Variants in GRTP1 observed in about 807,000 individuals in gnomAD.
GRTP1 encodes the protein growth hormone-regulated TBC protein 1.
A neutral mutation model predicts 38.1 loss-of-function variants in GRTP1; 56 were observed. That is an observed-to-expected ratio of 1.47 (90% CI 1.19 to 1.84). The LOEUF is 1.84. Ranked by LOEUF, GRTP1 falls within the 40% of genes most tolerant of loss-of-function variation. The probability of loss-of-function intolerance (pLI) is 0.00; values close to 1 mark genes in which losing one functional copy is unlikely to be tolerated. For missense variants in GRTP1, 506 were observed against 453.9 expected, an observed-to-expected ratio of 1.11 and a Z score of -1.04; for synonymous variants, 217 against 189.5, an observed-to-expected ratio of 1.14 and a Z score of -1.19.
chr13:113,332,097 A>G (rs2042879217), intron 5 of GRTP1, among the ~76,000 whole-genome samples: 1 of 151,974 alleles, frequency 6.6e-6, no homozygotes, highest in African/African-American at 2.4e-5. Context: ...AATAAAAAAT[A>G]AATTTTAAAA....
chr13:113,352,766 C>T (rs2043309532), intron 3 of GRTP1, among the ~76,000 whole-genome samples: 1 of 152,236 alleles, frequency 6.6e-6, no homozygotes, highest in African/African-American at 2.4e-5. Context: ...TCTGTCTGCA[C>T]TGCGTGGCCT....
At chr13:113,354,307 G>A (rs535616313) in intron 3 of GRTP1, among the ~76,000 whole-genome samples, 1 of 152,158 alleles carries the variant, frequency 6.6e-6, no homozygotes, top group South Asian at 2.1e-4. Flanking sequence ...AGCCTTGGGA[G>A]CCCCCTCCCC....
At chr13:113,357,243 G>A (rs1030664359) in intron 2 of GRTP1, among the ~76,000 whole-genome samples, 3 of 152,090 alleles carry the variant, frequency 2.0e-5, no homozygotes, top group Admixed American at 2.0e-4. Flanking sequence ...TCCAGAGATC[G>A]AGACCAGCCT....
intron 5 of GRTP1, among the ~76,000 whole-genome samples, chr13:113,335,031 C>T (rs1566419676): frequency 1.3e-5 from 2 of 151,850 alleles, no homozygotes; most frequent in Admixed American, 1.3e-4. Context: ...ACTGTGTTAG[C>T]CAGGATGGTC....
chr13:113,326,483 G>C (rs1412500230), intron 5 of GRTP1, among the ~76,000 whole-genome samples: 1 of 148,912 alleles, frequency 6.7e-6, no homozygotes, highest in African/African-American at 2.5e-5. Context: ...CAGCCTGGCT[G>C]ACATGGCTGA....
At chr13:113,354,998 G>A (rs1295571325) in intron 3 of GRTP1, among the ~76,000 whole-genome samples, 2 of 152,234 alleles carry the variant, frequency 1.3e-5, no homozygotes, top group African/African-American at 4.8e-5. Flanking sequence ...TCCGAAGGCC[G>A]CGTGAACAGT....
chr13:113,327,180 A>G (rs922823964), intron 5 of GRTP1, among the ~76,000 whole-genome samples: 1 of 152,110 alleles, frequency 6.6e-6, no homozygotes, highest in Non-Finnish European at 1.5e-5. Flanking sequence ...AATGAGTTAT[A>G]GTACATTTTT....
intron 2 of GRTP1, among the ~76,000 whole-genome samples, chr13:113,360,978 C>T (rs995995682): frequency 2.0e-5 from 3 of 151,754 alleles, no homozygotes; most frequent in African/African-American, 4.8e-5. Context: ...GGCATGGTGG[C>T]GAGTGCCTGT....
At chr13:113,330,488 G>A (rs1266742300) in intron 5 of GRTP1, among the ~76,000 whole-genome samples, 18 of 43,188 alleles carry the variant, frequency 4.2e-4, no homozygotes, top group South Asian at 9.9e-4. Flanking sequence ...GTGTGCATGG[G>A]AGCCCAGGTG....
chr13:113,324,202 G>GTGT lies in GRTP1; in HGVS notation c.*283_*285dup. On this transcript the variant is annotated 3_prime_UTR_variant, in exon 8 of 8. Coordinates refer to ENST00000375431, the MANE Select transcript of GRTP1 (RefSeq NM_024719.4). ...GCTGAGAAACTGATCACAAACACAG[G>GTGT]TGTTGGCATACTTTATTAGATACAA... 2 of 374,068 alleles carry GTGT rather than the reference G, an allele frequency of 5.3e-6. No homozygotes were observed. Among genetic ancestry groups the GTGT allele is most frequent in the Non-Finnish European group, 9.4e-6 (2 of 213,734 alleles). The allele number at this position is 374,068 out of a possible 1,614,324, so 23.2% of individuals were successfully genotyped here.
rs1221641661 is a variant in GRTP1 at position 113,355,406 on chromosome 13, G to A, written c.257C>T (p.Ala86Val). ...GTAGCCGGGATTCTGGTCCATCTGC[G>A]CCTGGGCCCCACTCAGCACCATCCA... is the stretch of plus-strand genomic sequence containing the variant. ...RVWMVLSGAQ[A>V]QMDQNPGYYH... Residue 86 changes from alanine (A) to valine (V), a missense_variant, in exon 3 of 8, where the codon GCG becomes GTG. Ala to Val is a moderately conservative substitution (Grantham distance 64). Transcript: ENST00000375431. 1 of 1,614,080 alleles carries A rather than the reference G, an allele frequency of 6.2e-7. No homozygotes were observed. The highest frequency in any genetic ancestry group is 2.2e-5 in the East Asian group (1 of 44,864).
chr13:113,356,703 T>G (rs2043394180), intron 2 of GRTP1, among the ~76,000 whole-genome samples: 1 of 152,174 alleles, frequency 6.6e-6, no homozygotes, highest in African/African-American at 2.4e-5. Context: ...ATTTAGCAGA[T>G]AAAAACTCAT....
Position 113,348,309 on chromosome 13 carries a change from C to T in GRTP1, c.465+2540G>A, listed in dbSNP as rs1276435173. On this transcript the variant is annotated intron_variant, in intron 4 of 7. Transcript: ENST00000375431. The surrounding 1 kb of genome is among the most constrained non-coding windows in gnomAD (Gnocchi z 4.8). ...CTCTACAAAACATACAAAAATTACT[C>T]GAGCGTGGTGGCGCACCTGTGGTCC... Among the ~76,000 whole-genome samples the T allele has an allele frequency of 2.0e-5, 3 of 152,102 alleles. No individual in the cohort carries two copies. The highest frequency in any genetic ancestry group is 4.4e-5 in the Non-Finnish European group (3 of 68,028).
At chr13:113,326,141 C>A (rs2042764998) in intron 5 of GRTP1, 50 bp from the exon 6 acceptor site, 1 of 1,592,110 alleles carries the variant, frequency 6.3e-7, no homozygotes. Flanking sequence ...GTCACCTCCA[C>A]AAGCCCCATT....
chr13:113,363,664 C>T, intron 2 of GRTP1, 98 bp downstream of exon 2: 1 of 1,269,802 alleles, frequency 7.9e-7, no homozygotes, highest in East Asian at 2.6e-5. Context: ...GGAAAGGTTC[C>T]TCCCCCTCCC....
Position 113,348,044 on chromosome 13 carries a change from G to C in GRTP1, c.465+2805C>G, listed in dbSNP as rs1039629474. 2.0e-5 allele frequency among the ~76,000 whole-genome samples: 3 copies of C among 151,996 alleles called. 1 individual carries two copies. The highest frequency in any genetic ancestry group is 7.2e-5 in the African/African-American group (3 of 41,386). On this transcript the variant is annotated intron_variant, in intron 4 of 7. Coordinates refer to ENST00000375431, the MANE Select transcript of GRTP1 (RefSeq NM_024719.4). This position sits in a 1 kb window ranked among gnomAD's most constrained non-coding sequence, Gnocchi z 4.8. ...AGGACCTGTCTGGCCGAGTGGACCC[G>C]GGAGGATCTCCGTGGCTGAGAATGG...
intron 3 of GRTP1, among the ~76,000 whole-genome samples, chr13:113,352,368 A>ATATATATT (rs1422969945): frequency 2.5e-3 from 326 of 130,256 alleles, no homozygotes; most frequent in South Asian, 4.3e-3. Flanking sequence ...TTTTATATAT[A>ATATATATT]TATATATATT....
chr13:113,336,832 G>A (rs956210433), intron 5 of GRTP1, among the ~76,000 whole-genome samples: 3 of 151,976 alleles, frequency 2.0e-5, no homozygotes, highest in African/African-American at 4.8e-5. Flanking sequence ...CAGCAGATGC[G>A]TGAGGGTGAG....
At chr13:113,344,356 G>A (rs972722782) in intron 5 of GRTP1, among the ~76,000 whole-genome samples, 3 of 152,154 alleles carry the variant, frequency 2.0e-5, no homozygotes, top group South Asian at 4.1e-4. Context: ...TGCTGCAGCC[G>A]GACCCTGGCC....
Sources: allele counts gnomAD v4.1 joint callset (sites outside exome capture counted in the v4.1 genomes callset), GRCh38; gene constraint gnomAD v4.1.1; non-coding constraint Gnocchi (gnomAD v3.1); transcripts MANE v1.5; gene names NCBI Gene and HGNC (gene_info 2026-07-23, HGNC 2026-07-21).